The following SIAH3 variants were observed in gnomAD, a reference collection of about 807,000 sequenced individuals.
The protein encoded by SIAH3 is seven in absentia homolog 3.
A neutral mutation model predicts 12.6 loss-of-function variants in SIAH3; 9 were observed. The ratio of observed to expected loss-of-function variants is 0.72; its 90% CI spans 0.43 to 1.25. The LOEUF is 1.25. Ranked by LOEUF, SIAH3 falls within the 50% of genes most tolerant of loss-of-function variation. SIAH3 has a pLI of 0.00. For synonymous variants in SIAH3, 154 were observed against 151.1 expected (o/e 1.02, Z -0.14); for missense variants, 390 against 365.4 (o/e 1.07, Z -0.55).
At chr13:45,847,947 A>G (rs1407140016) in intron 1 of SIAH3, among the ~76,000 whole-genome samples, 2 of 151,986 alleles carry the variant, frequency 1.3e-5, no homozygotes, top group African/African-American at 4.8e-5. Flanking sequence ...CTCCCCTCAA[A>G]GGGCACCTCT....
chr13:45,834,091 T>C (rs1010948570), intron 1 of SIAH3, among the ~76,000 whole-genome samples: 12 of 152,282 alleles, frequency 7.9e-5, no homozygotes, highest in African/African-American at 2.9e-4. Flanking sequence ...CCCGGAATTC[T>C]AATTGGAAAC....
In SIAH3 at chr13:45,821,096, T is replaced by C. The variant is rs142186039; in HGVS notation, c.135+30399A>G. Among the ~76,000 whole-genome samples, 622 of 152,300 alleles carry C rather than the reference T, an allele frequency of 4.1e-3. 4 individuals carry two copies. Among genetic ancestry groups the C allele is most frequent in the Non-Finnish European group, 7.4e-3 (506 of 68,010 alleles). On this transcript the variant is annotated intron_variant, in intron 1 of 1. Transcript: ENST00000400405. ...CTGCAGACGTGACCTTATTTGAAGA[T>C]AGGGTCTTTAAAGTTGATTGAATTA... is the stretch of plus-strand genomic sequence containing the variant.
intron 1 of SIAH3, among the ~76,000 whole-genome samples, chr13:45,829,606 C>A (rs1047090968): frequency 6.6e-6 from 1 of 152,166 alleles, no homozygotes; most frequent in Non-Finnish European, 1.5e-5. Context: ...AAGACCCTGA[C>A]TCAAAAGATA....
intron 1 of SIAH3, among the ~76,000 whole-genome samples, chr13:45,818,657 T>C (rs551087437): frequency 6.6e-6 from 1 of 152,252 alleles, no homozygotes; most frequent in Non-Finnish European, 1.5e-5. Context: ...TCTTTCTCTG[T>C]TCTGTCTTCA....
intron 1 of SIAH3, among the ~76,000 whole-genome samples, chr13:45,786,985 T>A (rs1416735924): frequency 1.3e-5 from 2 of 152,148 alleles, no homozygotes; most frequent in Non-Finnish European, 1.5e-5. Flanking sequence ...ACAGCTAATG[T>A]CAGAGATGGG....
intron 1 of SIAH3, among the ~76,000 whole-genome samples, chr13:45,794,561 T>A (rs1406692883): frequency 6.6e-6 from 1 of 151,804 alleles, no homozygotes; most frequent in Non-Finnish European, 1.5e-5. Context: ...TGGGGACGGG[T>A]TTTTCCTGTG....
intron 1 of SIAH3, among the ~76,000 whole-genome samples, chr13:45,837,080 C>T (rs904002336): frequency 2.0e-5 from 3 of 152,160 alleles, no homozygotes. Flanking sequence ...CCTAGGGACA[C>T]CATAACAGTG....
chr13:45,831,087 G>A (rs1243213632), intron 1 of SIAH3, among the ~76,000 whole-genome samples: 2 of 152,052 alleles, frequency 1.3e-5, no homozygotes, highest in African/African-American at 4.8e-5. Flanking sequence ...ACTGAGGCAA[G>A]AGAATAGCTT....
intron 1 of SIAH3, among the ~76,000 whole-genome samples, chr13:45,848,681 G>C (rs1462507121): frequency 6.6e-6 from 1 of 152,164 alleles, no homozygotes. Flanking sequence ...GCCCAGGAAA[G>C]GATAAAACAC....
At chr13:45,798,823 T>G (rs1311985997) in intron 1 of SIAH3, among the ~76,000 whole-genome samples, 1 of 152,216 alleles carries the variant, frequency 6.6e-6, no homozygotes, top group Non-Finnish European at 1.5e-5. Flanking sequence ...GTACCAAAGT[T>G]TATCTTTAAA....
At chr13:45,829,679 C>T (rs114205984) in intron 1 of SIAH3, among the ~76,000 whole-genome samples, 1,739 of 152,236 alleles carry the variant, frequency 0.011, 30 homozygotes, top group African/African-American at 0.039. Context: ...CCTGCGCTCC[C>T]GCCCCCAGAG....
intron 1 of SIAH3, among the ~76,000 whole-genome samples, chr13:45,784,396 C>CTTTTTTTTTTTTTTTTTTTTTTT (rs1555256292): frequency 9.8e-6 from 1 of 102,014 alleles, no homozygotes. Context: ...ACAAAGACAG[C>CTTTTTTTTTTTTTTTTTTTTTTT]TGTTTTTTTT....
chr13:45,831,886 C>T (rs1950700604), intron 1 of SIAH3, among the ~76,000 whole-genome samples: 1 of 152,200 alleles, frequency 6.6e-6, no homozygotes, highest in Admixed American at 6.5e-5. Flanking sequence ...TTCAGATATC[C>T]CACTGCTAAG....
chr13:45,777,958 G>A lies in SIAH3; in HGVS notation c.*5425C>T, dbSNP rs541866704. Reference sequence around the variant, plus strand: ...GTTTCCAGTGACTCTTGTCCTAGTGGAAACTGTGCCCCAGATTTAGAAAGA... The same window carrying A: ...GTTTCCAGTGACTCTTGTCCTAGTGAAAACTGTGCCCCAGATTTAGAAAGA... On this transcript the variant is annotated 3_prime_UTR_variant, in exon 2 of 2. Transcript: ENST00000400405. 6.6e-6 allele frequency: 1 copy of A among 152,320 alleles called. No homozygotes were observed. Among genetic ancestry groups the A allele is most frequent in the East Asian group, 1.9e-4 (1 of 5,186 alleles). The allele number at this position is 152,320 out of a possible 1,614,324, so 9.4% of individuals were successfully genotyped here. A position where few individuals can be genotyped will look rare whatever the true frequency, so the allele number is the denominator to read the frequency against.
rs977214811 is a variant in SIAH3, at chr13:45,851,425, G to A, written c.135+70C>T. 3.1e-6 allele frequency: 5 copies of A among 1,596,388 alleles called. No individual in the cohort carries two copies. The African/African-American group carries it at 6.7e-5, about 21-fold the overall frequency. On this transcript the variant is annotated intron_variant, in intron 1 of 1. Coordinates refer to ENST00000400405, the MANE Select transcript of SIAH3 (RefSeq NM_198849.3). ...CAAAGGGCTGCACACGTTCGCCGGAGGGTCGCTGCCGCCTCCGAGAAAGGA... is the reference window on the plus strand; with the variant it reads ...CAAAGGGCTGCACACGTTCGCCGGAAGGTCGCTGCCGCCTCCGAGAAAGGA...
At chr13:45,795,639 C>T (rs1031190195) in intron 1 of SIAH3, among the ~76,000 whole-genome samples, 3 of 152,150 alleles carry the variant, frequency 2.0e-5, no homozygotes, top group African/African-American at 4.8e-5. Flanking sequence ...CCAGGAGTCT[C>T]GTGTCTTCTA....
At chr13:45,834,745 T>C (rs1950712151) in intron 1 of SIAH3, among the ~76,000 whole-genome samples, 1 of 152,122 alleles carries the variant, frequency 6.6e-6, no homozygotes, top group African/African-American at 2.4e-5. Context: ...TACCTAAACT[T>C]AGGCCTTCTG....
intron 1 of SIAH3, among the ~76,000 whole-genome samples, chr13:45,800,458 G>A (rs7985574): frequency 0.38 from 57,411 of 152,054 alleles, 11,481 homozygotes; most frequent in African/African-American, 0.46. Flanking sequence ...GAAAAATAAA[G>A]TGTAGTTCAG....
chr13:45,802,768 A>G, intron 1 of SIAH3, among the ~76,000 whole-genome samples: 1 of 152,144 alleles, frequency 6.6e-6, no homozygotes. Flanking sequence ...CAGAGCAAGG[A>G]GGCTGGATCA....
Sources: allele counts gnomAD v4.1 joint callset (sites outside exome capture counted in the v4.1 genomes callset), GRCh38; gene constraint gnomAD v4.1.1; transcripts MANE v1.5; gene names NCBI Gene and HGNC (gene_info 2026-07-23, HGNC 2026-07-21).